Variants in WWOX observed in about 807,000 individuals in gnomAD.
WWOX encodes WW domain containing oxidoreductase.
A neutral mutation model predicts 46.2 loss-of-function variants in WWOX; 69 were observed. The ratio of observed to expected loss-of-function variants is 1.49; its 90% CI spans 1.23 to 1.82. The LOEUF (loss-of-function observed/expected upper bound fraction) is 1.82, where lower values mean the gene tolerates loss of function less well. WWOX is among the 40% of genes most tolerant of loss of function. The probability of loss-of-function intolerance (pLI) is 0.00; values close to 1 mark genes in which losing one functional copy is unlikely to be tolerated. For synonymous variants in WWOX, 359 were observed against 202.6 expected (o/e 1.77, Z -6.56); for missense variants, 919 against 542.6 (o/e 1.69, Z -6.89).
intron 8 of WWOX, among the ~76,000 whole-genome samples, chr16:79,094,500 C>T (rs1212496725): frequency 6.6e-6 from 1 of 152,172 alleles, no homozygotes; most frequent in African/African-American, 2.4e-5. Context: ...AGTCTGCCCA[C>T]CTCGGCCTCC....
intron 8 of WWOX, among the ~76,000 whole-genome samples, chr16:78,868,557 T>C (rs147029981): frequency 6.6e-6 from 1 of 152,326 alleles, no homozygotes; most frequent in African/African-American, 2.4e-5. Context: ...AAAAAATGAA[T>C]TCCAGGACCA....
chr16:79,034,845 A>T (rs2047835127), intron 8 of WWOX, among the ~76,000 whole-genome samples: 1 of 152,184 alleles, frequency 6.6e-6, no homozygotes, highest in African/African-American at 2.4e-5. Flanking sequence ...GTAGTGTATT[A>T]GGCTAAGTAT....
At chr16:78,261,788 C>CTATCTAGATATAGATATA (rs1555510660) in intron 5 of WWOX, among the ~76,000 whole-genome samples, 1 of 73,746 alleles carries the variant, frequency 1.4e-5, no homozygotes, top group African/African-American at 5.7e-5. Flanking sequence ...ATCTATCTAT[C>CTATCTAGATATAGATATA]TATATATATA....
At chr16:79,014,988 C>A (rs184269400) in intron 8 of WWOX, among the ~76,000 whole-genome samples, 1 of 152,038 alleles carries the variant, frequency 6.6e-6, no homozygotes, top group Non-Finnish European at 1.5e-5. Flanking sequence ...AAGGTACCTG[C>A]GAGGGATCAA....
At chr16:78,642,425 G>A (rs372730656) in intron 8 of WWOX, among the ~76,000 whole-genome samples, 1 of 151,976 alleles carries the variant, frequency 6.6e-6, no homozygotes, top group African/African-American at 2.4e-5. Flanking sequence ...TTCTCTTTGG[G>A]CTCCCTGCTT....
intron 8 of WWOX, among the ~76,000 whole-genome samples, chr16:78,671,224 A>AAC (rs2047455759): frequency 6.6e-6 from 1 of 152,054 alleles, no homozygotes; most frequent in Non-Finnish European, 1.5e-5. Flanking sequence ...GGAGTTCGAG[A>AAC]CCAGCCTGGG....
chr16:78,752,356 C>T (rs556884310), intron 8 of WWOX, among the ~76,000 whole-genome samples: 142 of 152,312 alleles, frequency 9.3e-4, no homozygotes, highest in Non-Finnish European at 1.7e-3. Flanking sequence ...GATGCGATCT[C>T]AGCTTACTGC....
At chr16:78,217,091 C>G (rs2036746816) in intron 5 of WWOX, among the ~76,000 whole-genome samples, 3 of 152,208 alleles carry the variant, frequency 2.0e-5, no homozygotes, top group Non-Finnish European at 4.4e-5. Flanking sequence ...TCTCCTTTGC[C>G]ACGCAGTCTA....
intron 5 of WWOX, among the ~76,000 whole-genome samples, chr16:78,191,106 C>T (rs1668183680): frequency 6.6e-6 from 1 of 152,190 alleles, no homozygotes; most frequent in African/African-American, 2.4e-5. Context: ...CTAGACCAGG[C>T]AAGATGATGC....
intron 8 of WWOX, among the ~76,000 whole-genome samples, chr16:79,109,890 G>A (rs778625295): frequency 3.3e-5 from 5 of 152,186 alleles, no homozygotes; most frequent in Non-Finnish European, 5.9e-5. Context: ...CATTCTGCAT[G>A]TTGGGGTTGT....
At chr16:78,364,891 T>C (rs2081499134) in intron 5 of WWOX, among the ~76,000 whole-genome samples, 1 of 152,166 alleles carries the variant, frequency 6.6e-6, no homozygotes, top group Non-Finnish European at 1.5e-5. Context: ...TTTTCTTGTC[T>C]TTATCCCATT....
At position 78,261,945 on chromosome 16, in the gene WWOX, C is replaced by G. The variant is rs139309994; in HGVS notation, c.516+97656C>G. Among the ~76,000 whole-genome samples the G allele has an allele frequency of 1.7e-3, 260 of 150,488 alleles. 1 individual carries two copies. Among genetic ancestry groups the G allele is most frequent in the African/African-American group, 6.1e-3 (252 of 41,124 alleles). On this transcript the variant is annotated intron_variant, in intron 5 of 8. Transcript: ENST00000566780. The stretch of plus-strand genomic sequence containing the variant: ...AGATCAATAATGCAAATTGCAAGAC[C>G]TAGTACAGGCCAAGGCCTCATTATA...
intron 8 of WWOX, among the ~76,000 whole-genome samples, chr16:78,597,190 G>A (rs139199554): frequency 7.9e-5 from 12 of 152,292 alleles, no homozygotes; most frequent in African/African-American, 2.6e-4. Flanking sequence ...CATTTAGTAG[G>A]TAGATCCAAA....
chr16:78,354,749 G>C (rs908653814), intron 5 of WWOX, among the ~76,000 whole-genome samples: 1 of 151,824 alleles, frequency 6.6e-6, no homozygotes, highest in Non-Finnish European at 1.5e-5. Context: ...GTTAAATTTT[G>C]TTTTCTATTT....
At chr16:79,208,681 T>C (rs1289629048) in intron 8 of WWOX, among the ~76,000 whole-genome samples, 3 of 152,132 alleles carry the variant, frequency 2.0e-5, no homozygotes, top group Non-Finnish European at 2.9e-5. Context: ...TGGCAGTACC[T>C]GCTTGTTTAC....
intron 8 of WWOX, among the ~76,000 whole-genome samples, chr16:79,073,345 A>T (rs1245093738): frequency 2.0e-5 from 3 of 151,810 alleles, no homozygotes; most frequent in African/African-American, 4.8e-5. Flanking sequence ...ATGCCCGGCT[A>T]CTTTTTGTAT....
intron 8 of WWOX, among the ~76,000 whole-genome samples, chr16:78,934,348 A>AG (rs1350393440): frequency 6.7e-6 from 1 of 148,236 alleles, no homozygotes; most frequent in Admixed American, 6.7e-5. Flanking sequence ...AAAAAAAAAA[A>AG]AAAGAAGAAA....
intron 8 of WWOX, among the ~76,000 whole-genome samples, chr16:78,452,995 T>C (rs376342774): frequency 1.4e-3 from 199 of 146,420 alleles, no homozygotes; most frequent in Non-Finnish European, 1.7e-3. Context: ...GATCCTCCTC[T>C]CTCAGCCTCC....
intron 8 of WWOX, among the ~76,000 whole-genome samples, chr16:78,907,637 A>G (rs2045000518): frequency 6.6e-6 from 1 of 152,260 alleles, no homozygotes; most frequent in East Asian, 1.9e-4. Flanking sequence ...TTTCACGGTC[A>G]TAATTTTCTT....
Sources: gnomAD v4.1 joint callset for allele counts (sites outside exome capture counted in the v4.1 genomes callset) on GRCh38, gnomAD v4.1.1 for gene constraint, MANE v1.5 for transcripts, NCBI Gene and HGNC (gene_info 2026-07-23, HGNC 2026-07-21) for gene names.